B4GALT6: variants seen among roughly 807,000 people sequenced by gnomAD.
B4GALT6 encodes beta-1,4-galactosyltransferase 6, also known as UDP-Gal:beta-GlcNAc beta-1,4-galactosyltransferase 6.
A neutral mutation model predicts 46.3 loss-of-function variants in B4GALT6; 14 were observed. The ratio of observed to expected loss-of-function variants is 0.30; its 90% confidence interval spans 0.20 to 0.47. The LOEUF is 0.47. B4GALT6 is among the 20% of genes least tolerant of loss of function. The probability of loss-of-function intolerance (pLI) is 0.99; values close to 1 mark genes in which losing one functional copy is unlikely to be tolerated. For synonymous variants in B4GALT6, 168 were observed against 162.0 expected, an observed-to-expected ratio of 1.04 and a Z score of -0.28; for missense variants, 386 against 480.1, an observed-to-expected ratio of 0.80 and a Z score of 1.83.
intron 1 of B4GALT6, among the ~76,000 whole-genome samples, chr18:31,682,308 T>C (rs977015409): frequency 2.6e-5 from 4 of 152,214 alleles, no homozygotes; most frequent in African/African-American, 9.6e-5. Context: ...GAGGCTTTTT[T>C]TGGCTAAATG....
At chr18:31,717,092 G>C in the B4GALT6 span, among the ~76,000 whole-genome samples, 1 of 151,974 alleles carries the variant, frequency 6.6e-6, no homozygotes. Flanking sequence ...GACAGAGTGA[G>C]ACTCTATCTC....
At chr18:31,683,586 T>C (rs1032166104) in intron 1 of B4GALT6, among the ~76,000 whole-genome samples, 1 of 152,200 alleles carries the variant, frequency 6.6e-6, no homozygotes, top group Non-Finnish European at 1.5e-5. Context: ...TTTACAAAAG[T>C]GTATTTTGCA....
chr18:31,688,260 C>CGTGT (rs778431231), upstream of B4GALT6, among the ~76,000 whole-genome samples: 1 of 140,786 alleles, frequency 7.1e-6, no homozygotes, highest in African/African-American at 3.0e-5. Flanking sequence ...TATATATATA[C>CGTGT]ATATATATAT....
chr18:31,668,387 A>G (rs2074307725), intron 1 of B4GALT6, among the ~76,000 whole-genome samples: 1 of 152,212 alleles, frequency 6.6e-6, no homozygotes, highest in Non-Finnish European at 1.5e-5. Context: ...GGCAGGATCA[A>G]TCATACTCCA....
chr18:31,710,252 C>T, the B4GALT6 span, among the ~76,000 whole-genome samples: 1 of 152,084 alleles, frequency 6.6e-6, no homozygotes, highest in Non-Finnish European at 1.5e-5. Context: ...GTGACAAATA[C>T]TTGAATAACA....
At chr18:31,669,771 G>A (rs2074328364) in intron 1 of B4GALT6, among the ~76,000 whole-genome samples, 2 of 152,328 alleles carry the variant, frequency 1.3e-5, no homozygotes, top group South Asian at 4.1e-4. Flanking sequence ...GATTACTAAT[G>A]ACACCTGGTT....
the B4GALT6 span, among the ~76,000 whole-genome samples, chr18:31,717,263 TA>T: frequency 6.6e-6 from 1 of 152,132 alleles, no homozygotes; most frequent in Non-Finnish European, 1.5e-5. Flanking sequence ...ATGAAGCTGT[TA>T]AAAAATAAAG....
intron 1 of B4GALT6, among the ~76,000 whole-genome samples, chr18:31,676,471 C>T (rs746361474): frequency 3.3e-5 from 5 of 152,086 alleles, no homozygotes; most frequent in Non-Finnish European, 7.4e-5. Context: ...TAATTAAAAA[C>T]ACTAAATAAC....
intron 8 of B4GALT6, 151 bp from the exon 9 acceptor site, chr18:31,625,912 C>A: frequency 1.5e-6 from 1 of 679,130 alleles, no homozygotes; most frequent in Non-Finnish European, 2.2e-6. Context: ...ATCTCTAAAC[C>A]ATTATTCTAA....
At chr18:31,661,257 T>C (rs1247085631) in intron 2 of B4GALT6, among the ~76,000 whole-genome samples, 1 of 152,198 alleles carries the variant, frequency 6.6e-6, no homozygotes, top group Non-Finnish European at 1.5e-5. Context: ...GGTGAGACTA[T>C]AATACTAAAT....
chr18:31,696,003 T>C, the B4GALT6 span, among the ~76,000 whole-genome samples: 1 of 152,212 alleles, frequency 6.6e-6, no homozygotes, highest in African/African-American at 2.4e-5. Context: ...ATATCAAGAA[T>C]GAGATTGAAA....
At chr18:31,676,876 A>C (rs1171270366) in intron 1 of B4GALT6, among the ~76,000 whole-genome samples, 1 of 152,210 alleles carries the variant, frequency 6.6e-6, no homozygotes, top group African/African-American at 2.4e-5. Flanking sequence ...TATCACCTTA[A>C]ATAAACCTTA....
At chr18:31,627,160 T>A in intron 6 of B4GALT6, 39 bp from the exon 7 acceptor site, 1 of 1,546,792 alleles carries the variant, frequency 6.5e-7, no homozygotes, top group Non-Finnish European at 8.7e-7. Context: ...AATAAAATCA[T>A]AATAATTTCC....
chr18:31,708,311 T>C, the B4GALT6 span, among the ~76,000 whole-genome samples: 4 of 152,206 alleles, frequency 2.6e-5, no homozygotes, highest in Admixed American at 2.6e-4. Context: ...ATGCCTATAA[T>C]CCCAGCACTT....
intron 4 of B4GALT6, among the ~76,000 whole-genome samples, chr18:31,642,801 C>G (rs1361127369): frequency 6.6e-6 from 1 of 152,210 alleles, no homozygotes; most frequent in Non-Finnish European, 1.5e-5. Flanking sequence ...TCTCCTGCCT[C>G]AGCCTCCCGA....
the B4GALT6 span, among the ~76,000 whole-genome samples, chr18:31,718,588 C>A: frequency 6.6e-6 from 1 of 152,152 alleles, no homozygotes; most frequent in Non-Finnish European, 1.5e-5. Context: ...TAAGAGCCAG[C>A]CCCGACTTCC....
At chr18:31,703,138 G>C in the B4GALT6 span, among the ~76,000 whole-genome samples, 1 of 152,098 alleles carries the variant, frequency 6.6e-6, no homozygotes, top group Non-Finnish European at 1.5e-5. Context: ...AAACTCTTTG[G>C]TTTAACAAAG....
At position 31,631,608 on chromosome 18, in the gene B4GALT6, G is replaced by A. The variant is rs2073792624; in HGVS notation, c.589-462C>T. Among the ~76,000 whole-genome samples the A allele has an allele frequency of 2.0e-5, 3 of 151,744 alleles. No homozygotes were observed. The South Asian group carries it at 6.2e-4, about 32-fold the overall frequency. On this transcript the variant is annotated intron_variant, in intron 5 of 8. Coordinates refer to ENST00000306851, the MANE Select transcript of B4GALT6 (RefSeq NM_004775.5). Reference sequence around the variant, plus strand: ...AAATACATCAGGATATAGATTACTTGTGGCGAGAAAAAAAAAGTCATTAAA... The same window carrying A: ...AAATACATCAGGATATAGATTACTTATGGCGAGAAAAAAAAAGTCATTAAA...
In B4GALT6 at chr18:31,645,431, T is replaced by C; in HGVS notation, c.395A>G (p.His132Arg). ...ATCTAAATCCTTGGAGAAGAGTTGA[T>C]GAATTTCATCAAAACTGACTTCGCT... ...NVSEVSFDEI[H>R]QLFSKDLDIE... Residue 132 changes from histidine to arginine, a missense_variant, in exon 4 of 9, where the codon CAT becomes CGT. Physicochemically the swap from His to Arg is conservative, Grantham distance 29. Coordinates refer to ENST00000306851, the MANE Select transcript of B4GALT6 (RefSeq NM_004775.5). 1.2e-6 allele frequency: 2 copies of C among 1,613,732 alleles called. No individual in the cohort carries two copies. The highest frequency in any genetic ancestry group is 1.7e-6 in the Non-Finnish European group (2 of 1,179,886).
Sources: allele counts gnomAD v4.1 joint callset (sites outside exome capture counted in the v4.1 genomes callset), GRCh38; gene constraint gnomAD v4.1.1; transcripts MANE v1.5; gene names NCBI Gene and HGNC (gene_info 2026-07-23, HGNC 2026-07-21).